The following OR6N1 variants were observed in gnomAD, a reference collection of about 807,000 sequenced individuals.
The protein encoded by OR6N1 is olfactory receptor 6N1.
For missense variants in OR6N1, 394 were observed against 371.7 expected, an observed-to-expected ratio of 1.06 and a Z score of -0.49; for synonymous variants, 170 against 150.7, an observed-to-expected ratio of 1.13 and a Z score of -0.94.
the OR6N1 span, among the ~76,000 whole-genome samples, chr1:158,791,747 C>T: frequency 2.0e-5 from 3 of 152,250 alleles, no homozygotes; most frequent in East Asian, 3.9e-4. Context: ...GGATTACAGG[C>T]GTGAGCCACA....
Position 158,771,010 on chromosome 1 carries a change from C to T in OR6N1, c.-19+1011G>A, listed in dbSNP as rs146279855. On this transcript the variant is annotated intron_variant, in intron 1 of 1. Coordinates refer to ENST00000641846, the MANE Select transcript of OR6N1 (RefSeq NM_001005185.2). Reference sequence around the variant, plus strand: ...ATGTGTTCAAACATTCTTTTCATCACCATTATAGCAATTTCAATGTTTGCC... The same window carrying T: ...ATGTGTTCAAACATTCTTTTCATCATCATTATAGCAATTTCAATGTTTGCC... Among the ~76,000 whole-genome samples the T allele has an allele frequency of 6.6e-4, 100 of 152,306 alleles. 1 individual carries two copies. The highest frequency in any genetic ancestry group is 2.3e-3 in the African/African-American group (97 of 41,564).
chr1:158,793,964 C>T, the OR6N1 span, among the ~76,000 whole-genome samples: 11 of 152,112 alleles, frequency 7.2e-5, no homozygotes, highest in Admixed American at 6.6e-4. Flanking sequence ...TTCTTCCACC[C>T]ACACTCCTAA....
chr1:158,834,685 A>G, the OR6N1 span, among the ~76,000 whole-genome samples: 1 of 152,312 alleles, frequency 6.6e-6, no homozygotes, highest in East Asian at 1.9e-4. Context: ...GTCATGTCCA[A>G]GAAACCCATT....
the OR6N1 span, among the ~76,000 whole-genome samples, chr1:158,833,293 G>C: frequency 1.1e-4 from 16 of 152,314 alleles, no homozygotes; most frequent in African/African-American, 3.8e-4. Flanking sequence ...GCTTCTGAAA[G>C]CTTTGAATAT....
At chr1:158,831,510 G>A in the OR6N1 span, 2 of 152,164 alleles carry the variant, frequency 1.3e-5, no homozygotes, top group African/African-American at 4.8e-5. Context: ...AAACAAGACA[G>A]TGACTCCAGG....
the OR6N1 span, among the ~76,000 whole-genome samples, chr1:158,796,987 G>T: frequency 6.6e-6 from 1 of 152,014 alleles, no homozygotes; most frequent in Admixed American, 6.5e-5. Context: ...TGTCCAGGAT[G>T]GGGGAGGTCC....
the OR6N1 span, among the ~76,000 whole-genome samples, chr1:158,790,972 G>A: frequency 5.3e-5 from 8 of 152,076 alleles, no homozygotes; most frequent in East Asian, 1.9e-4. Flanking sequence ...GGTTTTTATC[G>A]TAAAGTGATG....
At chr1:158,835,812 TA>T in the OR6N1 span, among the ~76,000 whole-genome samples, 3 of 152,072 alleles carry the variant, frequency 2.0e-5, no homozygotes, top group Non-Finnish European at 2.9e-5. Context: ...ATTCTTCGTT[TA>T]CTGAGTGTTT....
the OR6N1 span, among the ~76,000 whole-genome samples, chr1:158,803,824 T>A: frequency 1.3e-5 from 2 of 152,214 alleles, no homozygotes; most frequent in Non-Finnish European, 2.9e-5. Flanking sequence ...TCTTGCCTAG[T>A]CAAGAACATT....
chr1:158,775,043 C>T (rs777747833), upstream of OR6N1: 3 of 152,024 alleles, frequency 2.0e-5, no homozygotes, highest in Non-Finnish European at 4.4e-5. Flanking sequence ...GGACACACAA[C>T]AAATAAAAAA....
Position 158,765,920 on chromosome 1 carries a change from T to C in OR6N1, c.763A>G (p.Ile255Val), listed in dbSNP as rs976527004. The change falls in exon 2 of 2, where the codon ATC becomes GTC. Residue 255 changes from isoleucine to valine, a missense_variant. Ile to Val is a conservative substitution (Grantham distance 29). Transcript: ENST00000641846. ...TTCAGCTGCACATACATGGAAAGGA[T>C]GCTCCCATAGAAGATGAGAACCACA... ...FTVVLIFYGS[I>V]LSMYVQLKKS... is the part of the protein sequence containing the mutation. The C allele has an allele frequency of 1.2e-6, 2 of 1,614,182 alleles. No homozygotes were observed. Among genetic ancestry groups the C allele is most frequent in the Non-Finnish European group, 1.7e-6 (2 of 1,180,022 alleles).
At chr1:158,789,352 T>A in the OR6N1 span, among the ~76,000 whole-genome samples, 1 of 152,204 alleles carries the variant, frequency 6.6e-6, no homozygotes, top group Non-Finnish European at 1.5e-5. Context: ...TTTGAATATA[T>A]ACACAGTAGT....
the OR6N1 span, among the ~76,000 whole-genome samples, chr1:158,790,684 G>A: frequency 9.2e-5 from 14 of 152,268 alleles, no homozygotes; most frequent in Admixed American, 6.5e-4. Flanking sequence ...GATTACAGGC[G>A]TGAGCCACTG....
At chr1:158,840,251 C>T in the OR6N1 span, among the ~76,000 whole-genome samples, 5 of 152,022 alleles carry the variant, frequency 3.3e-5, no homozygotes, top group South Asian at 4.1e-4. Context: ...TTCCTTCTCA[C>T]GCTGCTATGA....
chr1:158,788,713 A>T, the OR6N1 span, among the ~76,000 whole-genome samples: 1 of 152,142 alleles, frequency 6.6e-6, no homozygotes, highest in South Asian at 2.1e-4. Flanking sequence ...CACTAGGTTA[A>T]TGTTTACTAC....
the OR6N1 span, among the ~76,000 whole-genome samples, chr1:158,833,598 C>T: frequency 2.0e-5 from 3 of 152,122 alleles, no homozygotes; most frequent in East Asian, 5.8e-4. Context: ...CTTTTTGTGA[C>T]TGGCTTTTTT....
chr1:158,777,642 C>A, the OR6N1 span: 8,443 of 1,581,004 alleles, frequency 5.3e-3, 26 homozygotes, highest in Non-Finnish European at 6.4e-3. Flanking sequence ...CCATGGGAGG[C>A]TGAGGTAAAG....
the OR6N1 span, among the ~76,000 whole-genome samples, chr1:158,832,069 G>T: frequency 6.6e-6 from 1 of 151,964 alleles, no homozygotes; most frequent in Non-Finnish European, 1.5e-5. Flanking sequence ...TCATGAATCA[G>T]TTTCATTTTA....
At chr1:158,833,611 T>G in the OR6N1 span, among the ~76,000 whole-genome samples, 1 of 152,226 alleles carries the variant, frequency 6.6e-6, no homozygotes, top group Admixed American at 6.5e-5. Context: ...GCTTTTTTCA[T>G]TTCATGTTCT....
Sources: allele counts gnomAD v4.1 joint callset (sites outside exome capture counted in the v4.1 genomes callset), GRCh38; gene constraint gnomAD v4.1.1; transcripts MANE v1.5; gene names NCBI Gene and HGNC (gene_info 2026-07-23, HGNC 2026-07-21).